The following ANO3 variants were observed in gnomAD, a reference collection of about 807,000 sequenced individuals.
The protein encoded by ANO3 is anoctamin 3.
ANO3 carries 99 observed loss-of-function variants against 144.8 expected under a neutral mutation model. That is an observed-to-expected ratio of 0.68 (90% CI 0.58 to 0.81). ANO3 has a LOEUF of 0.81. Among genes scored for constraint, ANO3 ranks in the 30% least tolerant of loss-of-function variants. The pLI, the probability that ANO3 is intolerant of heterozygous loss-of-function variation, is 0.00. For synonymous variants in ANO3, 414 were observed against 392.6 expected (o/e 1.05, Z -0.64); for missense variants, 905 against 1,202.2 (o/e 0.75, Z 3.66).
At chr11:26,519,781 C>T (rs888871758) in intron 6 of ANO3, among the ~76,000 whole-genome samples, 4 of 152,144 alleles carry the variant, frequency 2.6e-5, no homozygotes, top group African/African-American at 9.7e-5. Context: ...TTGTCTATTG[C>T]AATTGGTAAC....
rs556272849 is a variant in ANO3 at position 26,522,765 on chromosome 11, T to G, written c.693-2870T>G. 6.1e-4 allele frequency among the ~76,000 whole-genome samples: 93 copies of G among 152,158 alleles called. 1 individual carries two copies. Among genetic ancestry groups the G allele is most frequent in the African/African-American group, 2.1e-3 (87 of 41,522 alleles). On this transcript the variant is annotated intron_variant, in intron 6 of 26. Transcript: ENST00000256737. ...CACCCAGAAAACCTCTCCACAAAGA[T>G]AGAAAAGGAAGAAAACCATTTCGTT...
chr11:26,258,529 G>A (rs1432335290), intron 1 of ANO3, among the ~76,000 whole-genome samples: 1 of 152,168 alleles, frequency 6.6e-6, no homozygotes. Context: ...CACTCTGTAT[G>A]TCTTGAAGTG....
At chr11:26,435,710 T>C (rs1368448400) in intron 1 of ANO3, among the ~76,000 whole-genome samples, 12 of 152,348 alleles carry the variant, frequency 7.9e-5, no homozygotes, top group Admixed American at 6.5e-4. Flanking sequence ...CATTGTGAAA[T>C]TATTGCAGTG....
At chr11:26,315,659 G>C (rs377209990) in intron 1 of ANO3, among the ~76,000 whole-genome samples, 5 of 145,938 alleles carry the variant, frequency 3.4e-5, no homozygotes, top group Non-Finnish European at 7.4e-5. Context: ...CTATCTGTCT[G>C]TCTATCTATC....
intron 3 of ANO3, among the ~76,000 whole-genome samples, 182 bp downstream of exon 3, chr11:26,444,018 T>C (rs535462023): frequency 6.6e-6 from 1 of 152,290 alleles, no homozygotes; most frequent in East Asian, 1.9e-4. Context: ...AATTCAAATA[T>C]ATAGGAGGAT....
At chr11:26,383,738 G>A (rs183725868) in intron 1 of ANO3, among the ~76,000 whole-genome samples, 224 of 152,076 alleles carry the variant, frequency 1.5e-3, no homozygotes, top group African/African-American at 5.0e-3. Flanking sequence ...TGTTCATTAT[G>A]CAATATTTGC....
intron 1 of ANO3, among the ~76,000 whole-genome samples, chr11:26,412,795 A>AGTGTGGGTGTGTGT (rs1857466458): frequency 7.1e-6 from 1 of 140,130 alleles, no homozygotes; most frequent in Non-Finnish European, 1.5e-5. Flanking sequence ...GAGAAAGGAA[A>AGTGTGGGTGTGTGT]GTGTGTGTGT....
chr11:26,509,872 C>T (rs72891214), intron 5 of ANO3, among the ~76,000 whole-genome samples: 25,028 of 151,884 alleles, frequency 0.16, 2,194 homozygotes, highest in South Asian at 0.27. Context: ...GGCCTGGCGC[C>T]ATGGCTCACG....
chr11:26,345,046 A>T (rs1314032420), intron 1 of ANO3, among the ~76,000 whole-genome samples: 1 of 152,220 alleles, frequency 6.6e-6, no homozygotes, highest in African/African-American at 2.4e-5. Context: ...TTAAGATATC[A>T]TTCTTAAAAT....
At chr11:26,499,437 C>A (rs1210520899) in intron 4 of ANO3, among the ~76,000 whole-genome samples, 1 of 151,590 alleles carries the variant, frequency 6.6e-6, no homozygotes, top group Non-Finnish European at 1.5e-5. Flanking sequence ...TTACTTTTCT[C>A]ACTTAAATCT....
chr11:26,483,976 C>T (rs1020027814), intron 4 of ANO3, among the ~76,000 whole-genome samples: 5 of 152,078 alleles, frequency 3.3e-5, no homozygotes, highest in South Asian at 2.1e-4. Flanking sequence ...TTTTGTGATG[C>T]GTTAGCAGAG....
rs1311670282 is a variant in ANO3 at position 26,647,782 on chromosome 11, T to A, written c.2502T>A (p.Thr834=). ...CCAATGCATTTGTAATTGCTATTACTTCTGATTACATCCCACGTTTTGTTT... is the reference window on the plus strand; with the variant it reads ...CCAATGCATTTGTAATTGCTATTACATCTGATTACATCCCACGTTTTGTTT... ...VITNAFVIAI[T]SDYIPRFVYE... Residue 834 remains threonine (T), a synonymous_variant, in exon 24 of 27, where the codon ACT becomes ACA. Transcript: ENST00000256737. 6.2e-7 allele frequency: 1 copy of A among 1,613,540 alleles called. No individual in the cohort carries two copies. The highest frequency in any genetic ancestry group is 8.5e-7 in the Non-Finnish European group (1 of 1,179,618).
chr11:26,643,998 C>T (rs1853257410), intron 23 of ANO3, among the ~76,000 whole-genome samples: 1 of 152,094 alleles, frequency 6.6e-6, no homozygotes, highest in Admixed American at 6.5e-5. Context: ...CTAGGACTTC[C>T]TAGCCTCCAA....
At chr11:26,510,911 C>G (rs917488031) in intron 5 of ANO3, among the ~76,000 whole-genome samples, 7 of 152,186 alleles carry the variant, frequency 4.6e-5, no homozygotes, top group African/African-American at 1.7e-4. Context: ...TTCTAGAGCT[C>G]TCACTCTCAA....
intron 14 of ANO3, chr11:26,563,312 G>T: frequency 6.5e-7 from 1 of 1,533,902 alleles, no homozygotes; most frequent in East Asian, 2.5e-5. Flanking sequence ...ATTATTCAAA[G>T]AACCGAACTC....
intron 1 of ANO3, among the ~76,000 whole-genome samples, chr11:26,273,027 G>A (rs903157877): frequency 5.9e-5 from 9 of 152,042 alleles, no homozygotes; most frequent in Non-Finnish European, 1.2e-4. Flanking sequence ...TAAGTATTGA[G>A]CGTACTTAAT....
chr11:26,331,186 G>T (rs541983924), upstream of ANO3, among the ~76,000 whole-genome samples: 2 of 152,160 alleles, frequency 1.3e-5, no homozygotes, highest in Non-Finnish European at 2.9e-5. Context: ...CCTGTTGGAG[G>T]GGGAGGGAGA....
chr11:26,293,096 C>T (rs1446447009), intron 1 of ANO3, among the ~76,000 whole-genome samples: 1 of 152,188 alleles, frequency 6.6e-6, no homozygotes, highest in African/African-American at 2.4e-5. Context: ...GTCAGCTTCA[C>T]TTTAATCCAA....
At chr11:26,259,417 A>T (rs1055850880) in intron 1 of ANO3, among the ~76,000 whole-genome samples, 1 of 152,124 alleles carries the variant, frequency 6.6e-6, no homozygotes, top group Non-Finnish European at 1.5e-5. Flanking sequence ...TGGGAGGCCG[A>T]GGCAGGCGGA....
Sources: gnomAD v4.1 joint callset for allele counts (sites outside exome capture counted in the v4.1 genomes callset) on GRCh38, gnomAD v4.1.1 for gene constraint, MANE v1.5 for transcripts, NCBI Gene and HGNC (gene_info 2026-07-23, HGNC 2026-07-21) for gene names.